The following MDP1 variants were observed in gnomAD, a reference collection of about 807,000 sequenced individuals.
MDP1 encodes magnesium dependent phosphatase 1.
A neutral mutation model predicts 21.6 loss-of-function variants in MDP1; 18 were observed. The ratio of observed to expected loss-of-function variants is 0.83; its 90% CI spans 0.58 to 1.24. The LOEUF is 1.24. MDP1 is among the 50% of genes most tolerant of loss of function. MDP1 has a pLI of 0.00. For missense variants in MDP1, 207 were observed against 218.6 expected, an observed-to-expected ratio of 0.95 and a Z score of 0.33; for synonymous variants, 101 against 83.2, an observed-to-expected ratio of 1.21 and a Z score of -1.16.
chr14:24,215,691 T>C (rs1385640624), intron 2 of MDP1, 29 bp from the exon 3 acceptor site: 2 of 1,614,166 alleles, frequency 1.2e-6, no homozygotes, highest in Non-Finnish European at 1.7e-6. Context: ...CGCTCAGCCC[T>C]GGCTGGGTCC....
chr14:24,214,117 A>G lies in MDP1; in HGVS notation c.438T>C (p.Asn146=). The G allele has an allele frequency of 1.2e-6, 2 of 1,613,384 alleles. No individual in the cohort carries two copies. Among genetic ancestry groups the G allele is most frequent in the East Asian group, 2.2e-5 (1 of 44,886 alleles). The change falls in exon 6 of 6, where the codon AAT becomes AAC. Residue 146 remains asparagine, a synonymous_variant. Coordinates refer to ENST00000288087, the MANE Select transcript of MDP1 (RefSeq NM_138476.4). ...CTAACCCTTGACTTAGAGTTTGAAG[A>G]TTCATTCCATTCTGGATGTGAATGC... ...VTCIHIQNGM[N]LQTLSQGLET... is the part of the protein sequence containing the mutation.
At position 24,214,703 on chromosome 14, in the gene MDP1, T is replaced by C. The variant is rs1040450500; in HGVS notation, c.210-104A>G. ...TATAACCAGGGAAATCAACTTGCTGTTTTTCCGGGATGGACAGGCATCCTC... is the reference window on the plus strand; with the variant it reads ...TATAACCAGGGAAATCAACTTGCTGCTTTTCCGGGATGGACAGGCATCCTC... On this transcript the variant is annotated intron_variant, in intron 3 of 5. Coordinates refer to ENST00000288087, the MANE Select transcript of MDP1 (RefSeq NM_138476.4). 2.3e-6 allele frequency: 3 copies of C among 1,308,512 alleles called. No homozygotes were observed. In the South Asian group the frequency reaches 4.0e-5, roughly 18 times the overall value. The allele number at this position is 1,308,512 out of a possible 1,614,324, so 81.1% of individuals were successfully genotyped here.
Position 24,214,037 on chromosome 14 carries a change from G to A in MDP1, c.518C>T (p.Pro173Leu), listed in dbSNP as rs201515371. The change falls in exon 6 of 6, where the codon CCA (proline) becomes CTA (leucine). Residue 173 changes from proline (P) to leucine (L), a missense_variant. Physicochemically the swap from Pro to Leu is moderately conservative, Grantham distance 98. Transcript: ENST00000288087. ...GPLRSSLEESPFEA is the reference protein window; with the variant it reads ...GPLRSSLEESLFEA ...TTTCCTTTCAGTTTAGGCCTCAAAT[G>A]GGCTCTCCTCAAGGCTGGACCTCAA... 12 of 1,581,080 alleles carry A rather than the reference G, an allele frequency of 7.6e-6. No homozygotes were observed. In the East Asian group the frequency reaches 2.5e-4, roughly 33 times the overall value.
chr14:24,214,093 T>C lies in MDP1; in HGVS notation c.462A>G (p.Leu154=), dbSNP rs1177303278. The change falls in exon 6 of 6, where the codon TTA becomes TTG. Residue 154 remains leucine (L), a synonymous_variant. Coordinates refer to ENST00000288087, the MANE Select transcript of MDP1 (RefSeq NM_138476.4). ...GMNLQTLSQG[L]ETFAKAQTGP... Reference sequence around the variant, plus strand: ...CAGTTTGGGCCTTCGCAAATGTCTCTAACCCTTGACTTAGAGTTTGAAGAT... The same window carrying C: ...CAGTTTGGGCCTTCGCAAATGTCTCCAACCCTTGACTTAGAGTTTGAAGAT... 1 of 1,613,854 alleles carries C rather than the reference T, an allele frequency of 6.2e-7. No individual in the cohort carries two copies. The highest frequency in any genetic ancestry group is 8.5e-7 in the Non-Finnish European group (1 of 1,179,860).
intron 3 of MDP1, 42 bp downstream of exon 3, chr14:24,215,509 AC>A: frequency 6.2e-7 from 1 of 1,600,792 alleles, no homozygotes; most frequent in Non-Finnish European, 8.6e-7. Flanking sequence ...TCTTGCATGC[AC>A]CCTTCAGCAT....
intron 3 of MDP1, 122 bp downstream of exon 3, chr14:24,215,430 G>C: frequency 8.5e-7 from 1 of 1,179,308 alleles, no homozygotes; most frequent in South Asian, 1.4e-5. Context: ...GAGCGTTCAA[G>C]GGAAAAAATA....
Position 24,215,753 on chromosome 14 carries a change from G to T in MDP1, c.82C>A (p.Pro28Thr). The change falls in exon 2 of 6, where the codon CCG becomes ACG. Residue 28 changes from proline (P) to threonine (T), a missense_variant. Transcript: ENST00000288087. ...PFWVDTHVDP[P>T]FHKSSDGTVR... ...CTACCTCACCTGCTCTTATGGAACG[G>T]AGGGTCTACGTGCGTGTCGACCCAG... The T allele has an allele frequency of 1.9e-6, 3 of 1,614,218 alleles. No homozygotes were observed. The highest frequency in any genetic ancestry group is 2.5e-6 in the Non-Finnish European group (3 of 1,180,042).
At position 24,215,671 on chromosome 14, in the gene MDP1, G is replaced by A. The variant is rs751698495; in HGVS notation, c.99-9C>T. On this transcript the variant is annotated splice_polypyrimidine_tract_variant and intron_variant, in intron 2 of 5. Coordinates refer to ENST00000288087, the MANE Select transcript of MDP1 (RefSeq NM_138476.4). ...CTCGTACAGTTCCATCACTGGAGAG[G>A]GCAAGAGTGCGCTCAGCCCTGGCTG... The A allele has an allele frequency of 2.5e-6, 4 of 1,614,194 alleles. No homozygotes were observed. The highest frequency in any genetic ancestry group is 3.4e-6 in the Non-Finnish European group (4 of 1,180,026).
Position 24,215,578 on chromosome 14 carries a change from A to G in MDP1, c.183T>C (p.Leu61=). The G allele has an allele frequency of 6.2e-7, 1 of 1,614,136 alleles. No individual in the cohort carries two copies. ...VPEVLKRLQS[L]GVPGAAASRT... is the part of the protein sequence containing the mutation. ...TTGAAGCAGCCGCACCGGGCACCCCAAGGCTCTGCAATCGTTTTAGGACCT... is the reference window on the plus strand; with the variant it reads ...TTGAAGCAGCCGCACCGGGCACCCCGAGGCTCTGCAATCGTTTTAGGACCT... Residue 61 remains leucine (L), a synonymous_variant, in exon 3 of 6, where the codon CTT becomes CTC. Coordinates refer to ENST00000288087, the MANE Select transcript of MDP1 (RefSeq NM_138476.4).
intron 1 of MDP1, 24 bp from the exon 2 acceptor site, chr14:24,215,821 G>A (rs776144329): frequency 6.2e-7 from 1 of 1,614,224 alleles, no homozygotes; most frequent in Non-Finnish European, 8.5e-7. Context: ...GAGAGGGAAG[G>A]TTCAGCCTGG....
Position 24,214,709 on chromosome 14 carries a change from C to T in MDP1, c.210-110G>A, listed in dbSNP as rs1328719432. Reference sequence around the variant, plus strand: ...CAGGGAAATCAACTTGCTGTTTTTCCGGGATGGACAGGCATCCTCAGCCTC... The same window carrying T: ...CAGGGAAATCAACTTGCTGTTTTTCTGGGATGGACAGGCATCCTCAGCCTC... On this transcript the variant is annotated intron_variant, in intron 3 of 5. Transcript: ENST00000288087. The T allele has an allele frequency of 6.5e-6, 8 of 1,232,580 alleles. No individual in the cohort carries two copies. In the East Asian group the frequency reaches 7.2e-5, roughly 11 times the overall value. The allele number at this position is 1,232,580 out of a possible 1,614,324, so 76.4% of individuals were successfully genotyped here. A position where few individuals can be genotyped will look rare whatever the true frequency, so the allele number is the denominator to read the frequency against.
At chr14:24,214,878 G>A (rs2039650750) in intron 3 of MDP1, among the ~76,000 whole-genome samples, 1 of 151,770 alleles carries the variant, frequency 6.6e-6, no homozygotes, top group Non-Finnish European at 1.5e-5. Context: ...GACCTCCTGG[G>A]CTCAAGTGAT....
At position 24,216,037 on chromosome 14, in the gene MDP1, CA is replaced by C. The variant is rs531341899; in HGVS notation, c.-83del. The C allele has an allele frequency of 2.8e-5, 45 of 1,581,186 alleles. No homozygotes were observed. In the South Asian group the frequency reaches 5.0e-4, roughly 18 times the overall value. ...AGTGCGGAACCTCCGGCAGCTAAGG[CA>C]GCCACCCTGCCTGCCATAGACAAAT... On this transcript the variant is annotated 5_prime_UTR_variant, in exon 1 of 6. An upstream open reading frame in the 5' UTR gains an earlier in-frame stop. Transcript: ENST00000288087.
chr14:24,214,704 T>C, intron 3 of MDP1, 105 bp from the exon 4 acceptor site: 2 of 1,281,542 alleles, frequency 1.6e-6, no homozygotes, highest in Non-Finnish European at 2.2e-6. Flanking sequence ...AACTTGCTGT[T>C]TTTCCGGGAT....
rs779505612 is a variant in MDP1 at position 24,215,978 on chromosome 14, C to A, written c.-23G>T. 8 of 1,614,108 alleles carry A rather than the reference C, an allele frequency of 5.0e-6. No individual in the cohort carries two copies. In the South Asian group the frequency reaches 6.6e-5, roughly 13 times the overall value. The stretch of plus-strand genomic sequence containing the variant: ...CATGACCCGCACCGCAGGCTGCGCG[C>A]AGCAGAGGTGGGGCTTCACCCGGGG... On this transcript the variant is annotated 5_prime_UTR_variant, in exon 1 of 6. Transcript: ENST00000288087.
In MDP1 at chr14:24,214,500, G is replaced by A. The variant is rs748473647; in HGVS notation, c.309C>T (p.His103=). The A allele has an allele frequency of 1.4e-5, 23 of 1,614,078 alleles. No homozygotes were observed. The South Asian group carries it at 2.5e-4, about 18-fold the overall frequency. Residue 103 remains histidine (H), a synonymous_variant, in exon 4 of 6, where the codon CAC becomes CAT. Transcript: ENST00000288087. ...CCCTTATCTCCGCATACCTCTCAAA[G>A]TGTGTGATCTTGCTGCCTGGATAGA... ...REIYPGSKIT[H]FERLQQKTGI...
In MDP1 at chr14:24,215,811, G is replaced by C; in HGVS notation, c.38-14C>G. 1 of 1,614,228 alleles carries C rather than the reference G, an allele frequency of 6.2e-7. No homozygotes were observed. The highest frequency in any genetic ancestry group is 8.5e-7 in the Non-Finnish European group (1 of 1,180,040). ...AGAGAGTGTAATCTGCGAGAGGAAG[G>C]AGAGGGAAGGTTCAGCCTGGGGCGG... On this transcript the variant is annotated splice_polypyrimidine_tract_variant and intron_variant, in intron 1 of 5. Transcript: ENST00000288087.
At chr14:24,215,490 T>C in intron 3 of MDP1, 62 bp downstream of exon 3, 1 of 1,551,516 alleles carries the variant, frequency 6.4e-7, no homozygotes, top group Non-Finnish European at 8.9e-7. Context: ...GACCAGGGGT[T>C]TCACTGTCTC....
Position 24,214,153 on chromosome 14 carries a change from T to G in MDP1, c.404-2A>C, listed in dbSNP as rs1232788777. On this transcript the variant is annotated splice_acceptor_variant, in intron 5 of 5. Coordinates refer to ENST00000288087, the MANE Select transcript of MDP1 (RefSeq NM_138476.4). LOFTEE classifies it high-confidence loss of function. ...TCTGGATGTGAATGCAGGTAACACC[T>G]AGAAAGATAAGAAGTCACATTTCAT... 2 of 1,609,954 alleles carry G rather than the reference T, an allele frequency of 1.2e-6. No individual in the cohort carries two copies. Among genetic ancestry groups the G allele is most frequent in the Non-Finnish European group, 1.7e-6 (2 of 1,178,118 alleles).
Sources: gnomAD v4.1 joint callset for allele counts (sites outside exome capture counted in the v4.1 genomes callset) on GRCh38, gnomAD v4.1.1 for gene constraint, MANE v1.5 for transcripts, NCBI Gene and HGNC (gene_info 2026-07-23, HGNC 2026-07-21) for gene names.